The following SLIT3 variants were observed in gnomAD, a reference collection of about 807,000 sequenced individuals.
SLIT3 encodes slit guidance ligand 3, also known as slit homolog 3 protein.
A neutral mutation model predicts 184.0 loss-of-function variants in SLIT3; 68 were observed. That is an observed-to-expected ratio of 0.37 (90% CI 0.30 to 0.45). The LOEUF is 0.45. Ranked by LOEUF, SLIT3 falls within the 20% of genes least tolerant of loss-of-function variation. The pLI is 1.00. For synonymous variants in SLIT3, 831 were observed against 828.6 expected (o/e 1.00, Z -0.05); for missense variants, 1,707 against 2,026.0 (o/e 0.84, Z 3.02).
At chr5:168,771,526 C>T (rs1282852167) in intron 14 of SLIT3, among the ~76,000 whole-genome samples, 8 of 152,152 alleles carry the variant, frequency 5.3e-5, no homozygotes, top group Admixed American at 5.2e-4. Context: ...TACTGACTTC[C>T]CAGGACCATT....
chr5:168,760,258 G>A (rs1489422392), intron 16 of SLIT3, among the ~76,000 whole-genome samples: 2 of 152,132 alleles, frequency 1.3e-5, no homozygotes, highest in Non-Finnish European at 2.9e-5. Flanking sequence ...TTACCTTTAT[G>A]ACTAGGTCTG....
At chr5:169,146,908 T>C (rs1244768687) in intron 4 of SLIT3, among the ~76,000 whole-genome samples, 1 of 152,260 alleles carries the variant, frequency 6.6e-6, no homozygotes, top group Admixed American at 6.5e-5. Context: ...TTAGCTTCTA[T>C]GTGCCTTAAG....
chr5:168,765,375 C>T (rs1581056487), intron 14 of SLIT3, among the ~76,000 whole-genome samples: 1 of 152,222 alleles, frequency 6.6e-6, no homozygotes, highest in East Asian at 1.9e-4. Flanking sequence ...GCATTTTTCC[C>T]CCTGCTGTTT....
At chr5:168,865,084 A>G (rs965421136) in intron 5 of SLIT3, among the ~76,000 whole-genome samples, 5 of 146,998 alleles carry the variant, frequency 3.4e-5, no homozygotes, top group African/African-American at 1.0e-4. Flanking sequence ...AGGAGAATCA[A>G]TTGAACCTGG....
intron 4 of SLIT3, among the ~76,000 whole-genome samples, chr5:169,168,558 C>T (rs1325147899): frequency 1.3e-5 from 2 of 152,216 alleles, no homozygotes; most frequent in Admixed American, 6.5e-5. Flanking sequence ...TTAATCTTTA[C>T]AACGGCTCTA....
At chr5:168,883,434 C>A in intron 4 of SLIT3, 98 bp from the exon 5 acceptor site, 1 of 898,512 alleles carries the variant, frequency 1.1e-6, no homozygotes, top group Non-Finnish European at 1.8e-6. Flanking sequence ...CAGGCTGCTG[C>A]CTCTGCGGTC....
intron 4 of SLIT3, chr5:169,012,299 A>G (rs937042569): frequency 1.3e-5 from 2 of 152,208 alleles, no homozygotes; most frequent in African/African-American, 4.8e-5. Context: ...GAAGGATGCC[A>G]CCTCGAAGGA....
At chr5:169,248,908 T>C (rs1040892934) in intron 2 of SLIT3, among the ~76,000 whole-genome samples, 18 of 152,316 alleles carry the variant, frequency 1.2e-4, no homozygotes, top group African/African-American at 4.1e-4. Context: ...TTGCCCTGGG[T>C]TGAGACTGAA....
Position 168,762,685 on chromosome 5 carries a change from G to C in SLIT3, c.1464C>G (p.Ser488=). Residue 488 remains serine (S), a synonymous_variant, in exon 15 of 36, where the codon TCC becomes TCG. Transcript: ENST00000519560. ...IKSKKFRCSG[S]EDYRSRFSSE... ...TGCTGAACCTGCTGCGGTAATCCTC[G>C]GAGCCTGGGAGGGGCCAAAGAGGGG... is the stretch of plus-strand genomic sequence containing the variant. The C allele has an allele frequency of 6.2e-7, 1 of 1,613,326 alleles. No homozygotes were observed. The highest frequency in any genetic ancestry group is 8.5e-7 in the Non-Finnish European group (1 of 1,179,620).
chr5:168,710,760 T>C (rs897871487), intron 25 of SLIT3, 135 bp downstream of exon 25: 1 of 707,694 alleles, frequency 1.4e-6, no homozygotes, highest in Non-Finnish European at 2.1e-6. Flanking sequence ...CTGAGCCTCT[T>C]TGTGGGACCC....
At chr5:169,234,739 G>A (rs1458105092) in intron 3 of SLIT3, among the ~76,000 whole-genome samples, 1 of 152,160 alleles carries the variant, frequency 6.6e-6, no homozygotes, top group African/African-American at 2.4e-5. Flanking sequence ...TCCTTAGAAA[G>A]TGTCCATGGG....
At chr5:169,291,119 G>A (rs557662136) in intron 1 of SLIT3, among the ~76,000 whole-genome samples, 8 of 152,074 alleles carry the variant, frequency 5.3e-5, no homozygotes, top group Non-Finnish European at 8.8e-5. Flanking sequence ...TGATATGGCC[G>A]TGATAAGTGC....
chr5:168,777,944 A>G (rs891557853), intron 12 of SLIT3, among the ~76,000 whole-genome samples: 8 of 152,210 alleles, frequency 5.3e-5, no homozygotes, highest in East Asian at 1.9e-4. Flanking sequence ...GAATTTTAAA[A>G]GCACCATATT....
At chr5:169,072,015 G>A (rs1262146533) in intron 4 of SLIT3, among the ~76,000 whole-genome samples, 1 of 152,178 alleles carries the variant, frequency 6.6e-6, no homozygotes, top group Non-Finnish European at 1.5e-5. Context: ...CAATAGCTCA[G>A]CTTTGATCCC....
At chr5:169,017,785 C>G (rs769720105) in intron 4 of SLIT3, 3 of 152,162 alleles carry the variant, frequency 2.0e-5, no homozygotes, top group African/African-American at 4.8e-5. Context: ...GCTTAAGGAA[C>G]AGCTTAGTGT....
At chr5:169,186,994 A>G (rs1763365353) in intron 4 of SLIT3, among the ~76,000 whole-genome samples, 1 of 143,832 alleles carries the variant, frequency 7.0e-6, no homozygotes, top group Admixed American at 7.1e-5. Context: ...GAATGACAGC[A>G]GGTTTAGCCT....
At chr5:168,761,393 G>A (rs1204254929) in intron 15 of SLIT3, among the ~76,000 whole-genome samples, 1 of 152,082 alleles carries the variant, frequency 6.6e-6, no homozygotes, top group African/African-American at 2.4e-5. Flanking sequence ...GCAGGGCAGG[G>A]AAAGGGGCCT....
intron 22 of SLIT3, 38 bp downstream of exon 22, chr5:168,722,895 C>T (rs781716415): frequency 3.1e-5 from 47 of 1,511,388 alleles, no homozygotes; most frequent in Non-Finnish European, 4.1e-5. Context: ...ACTGCTAGGC[C>T]CAAGGGCATG....
intron 4 of SLIT3, among the ~76,000 whole-genome samples, chr5:168,967,476 G>A (rs1763244502): frequency 1.3e-4 from 1 of 7,664 alleles, no homozygotes; most frequent in Non-Finnish European, 2.9e-4. Flanking sequence ...GTCTCGCTCT[G>A]TCGCCCAGGC....
Sources: gnomAD v4.1 joint callset for allele counts (sites outside exome capture counted in the v4.1 genomes callset) on GRCh38, gnomAD v4.1.1 for gene constraint, MANE v1.5 for transcripts, NCBI Gene and HGNC (gene_info 2026-07-23, HGNC 2026-07-21) for gene names.